Variants in ZNF469 observed in about 807,000 individuals in gnomAD.
ZNF469 encodes zinc finger protein 469.
A neutral mutation model predicts 1.0 loss-of-function variants in ZNF469; 1 was observed. The ratio of observed to expected loss-of-function variants is 1.00; its 90% CI spans 0.35 to 4.73. The LOEUF is 4.73. Among genes scored for constraint, ZNF469 ranks in the 30% most tolerant of loss-of-function variants. ZNF469 has a pLI of 0.16. For missense variants in ZNF469, 6,100 were observed against 5,356.3 expected, an observed-to-expected ratio of 1.14 and a Z score of -4.33; for synonymous variants, 2,703 against 2,363.4, an observed-to-expected ratio of 1.14 and a Z score of -4.17.
the ZNF469 span, among the ~76,000 whole-genome samples, chr16:88,278,672 C>T: frequency 7.7e-6 from 1 of 129,960 alleles, no homozygotes; most frequent in African/African-American, 2.7e-5. Flanking sequence ...TCGGTCAGTA[C>T]CATGTAGATA....
At chr16:88,283,742 G>A in the ZNF469 span, among the ~76,000 whole-genome samples, 14 of 152,200 alleles carry the variant, frequency 9.2e-5, no homozygotes, top group African/African-American at 1.2e-4. Context: ...AGCTGTGAAC[G>A]CGGAGGCTGG....
chr16:88,333,867 T>G, the ZNF469 span, among the ~76,000 whole-genome samples: 2 of 150,802 alleles, frequency 1.3e-5, no homozygotes, highest in Non-Finnish European at 3.0e-5. Flanking sequence ...AGTTGCAGTG[T>G]GTGTGTGTGT....
chr16:88,247,477 T>G, the ZNF469 span, among the ~76,000 whole-genome samples: 3 of 143,056 alleles, frequency 2.1e-5, no homozygotes, highest in South Asian at 2.2e-4. Flanking sequence ...AATGAGTGAG[T>G]GAATGAGTGA....
chr16:88,178,824 C>T, the ZNF469 span: 1 of 151,534 alleles, frequency 6.6e-6, no homozygotes, highest in Non-Finnish European at 1.5e-5. Flanking sequence ...GCAGTCTCCT[C>T]TTGGCCAAAG....
the ZNF469 span, among the ~76,000 whole-genome samples, chr16:88,315,964 C>T: frequency 1.3e-5 from 2 of 152,204 alleles, no homozygotes; most frequent in African/African-American, 4.8e-5. Flanking sequence ...GCCCTGACCC[C>T]ACCCCCGGCG....
the ZNF469 span, among the ~76,000 whole-genome samples, chr16:88,110,932 C>T: frequency 6.6e-6 from 1 of 152,262 alleles, no homozygotes; most frequent in Non-Finnish European, 1.5e-5. Context: ...AAACTGCAGA[C>T]CCGGGCCAGC....
the ZNF469 span, among the ~76,000 whole-genome samples, chr16:88,158,776 G>A: frequency 1.3e-5 from 2 of 152,236 alleles, no homozygotes; most frequent in African/African-American, 4.8e-5. Context: ...GCCAGGCCGA[G>A]TCAGAGTGCA....
At chr16:88,203,100 A>G in the ZNF469 span, among the ~76,000 whole-genome samples, 1 of 152,058 alleles carries the variant, frequency 6.6e-6, no homozygotes, top group Non-Finnish European at 1.5e-5. Flanking sequence ...CAGGAAGGGC[A>G]GAAGGGCCGG....
the ZNF469 span, among the ~76,000 whole-genome samples, chr16:88,239,709 A>T: frequency 7.9e-3 from 39 of 4,960 alleles, 3 homozygotes; most frequent in African/African-American, 0.043. Flanking sequence ...ATATATATAT[A>T]TATATATTTT....
At chr16:88,368,833 A>ACAG in the ZNF469 span, among the ~76,000 whole-genome samples, 9 of 152,120 alleles carry the variant, frequency 5.9e-5, no homozygotes, top group African/African-American at 9.7e-5. Flanking sequence ...ACAGTGGCTC[A>ACAG]TGCCTGTAAT....
At chr16:88,196,749 T>C in the ZNF469 span, among the ~76,000 whole-genome samples, 1 of 151,822 alleles carries the variant, frequency 6.6e-6, no homozygotes, top group Non-Finnish European at 1.5e-5. Flanking sequence ...AAAGTGAGGC[T>C]CAGAGCTCCA....
At chr16:88,180,367 A>G in the ZNF469 span, among the ~76,000 whole-genome samples, 2 of 152,232 alleles carry the variant, frequency 1.3e-5, no homozygotes, top group Non-Finnish European at 1.5e-5. Flanking sequence ...AGAAATAGTT[A>G]TATTCTGAAC....
At chr16:88,395,465 G>T (rs34442376) in intron 1 of ZNF469, among the ~76,000 whole-genome samples, 2 of 151,770 alleles carry the variant, frequency 1.3e-5, no homozygotes, top group Admixed American at 1.3e-4. Context: ...TATGTTACAC[G>T]TATTGTATAA....
At chr16:88,328,066 G>A in the ZNF469 span, among the ~76,000 whole-genome samples, 1 of 152,346 alleles carries the variant, frequency 6.6e-6, no homozygotes, top group South Asian at 2.1e-4. Context: ...GACACAGAAG[G>A]GCACACGCCA....
chr16:88,112,584 T>C, the ZNF469 span, among the ~76,000 whole-genome samples: 2 of 152,198 alleles, frequency 1.3e-5, no homozygotes, highest in African/African-American at 2.4e-5. Flanking sequence ...TGTGTCTCCT[T>C]TGAGAAACGT....
the ZNF469 span, among the ~76,000 whole-genome samples, chr16:88,260,312 C>A: frequency 6.6e-6 from 1 of 152,198 alleles, no homozygotes. This position sits in a 1 kb window ranked among gnomAD's most constrained non-coding sequence, Gnocchi z 4.1. Context: ...AAAAAGCATT[C>A]GGCTGAATGA....
the ZNF469 span, among the ~76,000 whole-genome samples, chr16:88,310,079 G>C: frequency 6.6e-6 from 1 of 152,134 alleles, no homozygotes; most frequent in Non-Finnish European, 1.5e-5. Flanking sequence ...GGGCGCTATG[G>C]GGAGCAGGGG....
the ZNF469 span, among the ~76,000 whole-genome samples, chr16:88,186,817 G>A: frequency 6.6e-6 from 1 of 152,346 alleles, no homozygotes; most frequent in Non-Finnish European, 1.5e-5. Context: ...GTTCTGGCGG[G>A]GCGGGGGGAT....
At chr16:88,205,289 C>T in the ZNF469 span, among the ~76,000 whole-genome samples, 4 of 152,156 alleles carry the variant, frequency 2.6e-5, no homozygotes, top group South Asian at 4.1e-4. This position sits in a 1 kb window ranked among gnomAD's most constrained non-coding sequence, Gnocchi z 4.2. Context: ...GATTATGTCC[C>T]GGCTTCCTCG....
Sources: gnomAD v4.1 joint callset for allele counts (sites outside exome capture counted in the v4.1 genomes callset) on GRCh38, gnomAD v4.1.1 for gene constraint, Gnocchi (gnomAD v3.1) non-coding constraint, MANE v1.5 for transcripts, NCBI Gene and HGNC (gene_info 2026-07-23, HGNC 2026-07-21) for gene names.